The following ANKS1B variants were observed in gnomAD, a reference collection of about 807,000 sequenced individuals.
ANKS1B encodes ankyrin repeat and sterile alpha motif domain-containing protein 1B.
ANKS1B carries 36 observed loss-of-function variants against 148.3 expected under a neutral mutation model. The observed-to-expected ratio is 0.24, with a 90% CI of 0.19 to 0.32. The LOEUF (loss-of-function observed/expected upper bound fraction) is 0.32. Ranked by LOEUF, ANKS1B falls within the 10% of genes least tolerant of loss-of-function variation. The pLI, the probability that ANKS1B is intolerant of heterozygous loss-of-function variation, is 1.00. For synonymous variants in ANKS1B, 542 were observed against 560.8 expected (o/e 0.97, Z 0.47); for missense variants, 1,157 against 1,542.6 (o/e 0.75, Z 4.19).
chr12:99,772,756 T>G, intron 8 of ANKS1B, 166 bp downstream of exon 8: 1 of 575,056 alleles, frequency 1.7e-6, no homozygotes, highest in South Asian at 3.7e-5. Context: ...CCCCTACACA[T>G]GCACTGCGAG....
chr12:99,274,703 T>C (rs1200491450), intron 12 of ANKS1B, among the ~76,000 whole-genome samples: 1 of 152,254 alleles, frequency 6.6e-6, no homozygotes, highest in African/African-American at 2.4e-5. Flanking sequence ...GATACTATAA[T>C]ATGACATGAT....
chr12:99,984,484 G>T lies in ANKS1B; in HGVS notation c.-247C>A, dbSNP rs2153870530. On this transcript the variant is annotated 5_prime_UTR_variant, in exon 1 of 27. Transcript: ENST00000683438. ...GGCTGGCCGAGCTGGGAGCCGCGAC[G>T]CGCCCCCACAGCCACTCCCCTGAAT... The T allele has an allele frequency of 2.5e-6, 1 of 405,940 alleles. No homozygotes were observed. Among genetic ancestry groups the T allele is most frequent in the Non-Finnish European group, 4.4e-6 (1 of 224,976 alleles). 25.1% of individuals were successfully genotyped at this position (405,940 alleles called of 1,614,324 possible). A position where few individuals can be genotyped will look rare whatever the true frequency, so the allele number is the denominator to read the frequency against.
chr12:99,865,093 T>C (rs1341169317), intron 1 of ANKS1B, among the ~76,000 whole-genome samples: 5 of 152,236 alleles, frequency 3.3e-5, no homozygotes, highest in Non-Finnish European at 7.3e-5. Flanking sequence ...CAGATAGGTA[T>C]TGGTGTCCTA....
chr12:99,558,712 A>G (rs2097303084), intron 9 of ANKS1B, among the ~76,000 whole-genome samples: 1 of 152,204 alleles, frequency 6.6e-6, no homozygotes, highest in African/African-American at 2.4e-5. Context: ...GCCACCAGAC[A>G]GAGGGGCACT....
At chr12:98,822,590 C>A (rs1490996438) in intron 19 of ANKS1B, among the ~76,000 whole-genome samples, 1 of 152,116 alleles carries the variant, frequency 6.6e-6, no homozygotes, top group African/African-American at 2.4e-5. Flanking sequence ...GTTTTGAAAA[C>A]AGAATATTTT....
chr12:99,643,905 T>C (rs928262359), intron 9 of ANKS1B, among the ~76,000 whole-genome samples: 5 of 152,262 alleles, frequency 3.3e-5, no homozygotes, highest in African/African-American at 4.8e-5. Flanking sequence ...TATCTAGCCA[T>C]GCTTTCAGCT....
chr12:99,427,090 A>G (rs1213229309), intron 11 of ANKS1B, among the ~76,000 whole-genome samples: 1 of 152,202 alleles, frequency 6.6e-6, no homozygotes, highest in Non-Finnish European at 1.5e-5. Flanking sequence ...AAATAACTGT[A>G]CATGTTCTCT....
chr12:99,022,341 C>G (rs1369512700), intron 17 of ANKS1B, among the ~76,000 whole-genome samples: 1 of 152,140 alleles, frequency 6.6e-6, no homozygotes, highest in Non-Finnish European at 1.5e-5. Context: ...GGCTGCACAA[C>G]AGAGAACTCC....
Position 98,773,151 on chromosome 12 carries a change from T to C in ANKS1B, c.3470A>G (p.Asn1157Ser), listed in dbSNP as rs762462536. 6.2e-7 allele frequency: 1 copy of C among 1,609,724 alleles called. No homozygotes were observed. The highest frequency in any genetic ancestry group is 1.7e-5 in the Admixed American group (1 of 58,924). The change falls in exon 25 of 27, where the codon AAT (asparagine) becomes AGT (serine). Residue 1157 changes from asparagine to serine, a missense_variant. By Grantham distance (46) the Asn-to-Ser change is conservative. Coordinates refer to ENST00000683438, the MANE Select transcript of ANKS1B (RefSeq NM_001352186.2). Reference protein sequence around the residue: ...KNIIAEHEIRNISCAAQDPED... With the variant: ...KNIIAEHEIRSISCAAQDPED... ...TGGGTCCTGGGCAGCACAGGAGATATTACGAATTTCATGCTCAGCAATTAT... is the reference window on the plus strand; with the variant it reads ...TGGGTCCTGGGCAGCACAGGAGATACTACGAATTTCATGCTCAGCAATTAT...
chr12:98,813,630 C>T (rs994783807), intron 19 of ANKS1B, among the ~76,000 whole-genome samples: 1 of 151,720 alleles, frequency 6.6e-6, no homozygotes, highest in African/African-American at 2.4e-5. Flanking sequence ...GCAACCACTG[C>T]CTCCTGGGTT....
At chr12:99,304,548 T>C (rs1262593592) in intron 12 of ANKS1B, among the ~76,000 whole-genome samples, 1 of 152,104 alleles carries the variant, frequency 6.6e-6, no homozygotes, top group South Asian at 2.1e-4. Flanking sequence ...TTTGTGACAA[T>C]GTTGTTCCTG....
intron 1 of ANKS1B, among the ~76,000 whole-genome samples, chr12:99,872,209 T>C (rs2091602675): frequency 6.6e-6 from 1 of 152,134 alleles, no homozygotes; most frequent in African/African-American, 2.4e-5. Context: ...CACTATAACC[T>C]AGCAATACCA....
chr12:99,948,762 G>A (rs898127570), intron 1 of ANKS1B, among the ~76,000 whole-genome samples: 7 of 152,284 alleles, frequency 4.6e-5, no homozygotes, highest in Admixed American at 1.3e-4. Flanking sequence ...ACAGAGATTA[G>A]GAAACAGGCA....
chr12:99,239,699 T>G (rs933654648), intron 14 of ANKS1B, among the ~76,000 whole-genome samples: 1 of 152,146 alleles, frequency 6.6e-6, no homozygotes, highest in Non-Finnish European at 1.5e-5. Flanking sequence ...GGGAAGCCCA[T>G]TAGACTAACA....
chr12:99,508,918 G>A (rs2096737382), intron 9 of ANKS1B, among the ~76,000 whole-genome samples: 1 of 151,810 alleles, frequency 6.6e-6, no homozygotes, highest in Non-Finnish European at 1.5e-5. Context: ...ACCGGGCATT[G>A]AGCAAGTCTA....
chr12:99,064,260 A>C (rs1404181587), intron 16 of ANKS1B, among the ~76,000 whole-genome samples: 1 of 152,242 alleles, frequency 6.6e-6, no homozygotes. Flanking sequence ...TTCGTGAAAA[A>C]GAGAAATGAA....
chr12:99,716,394 ACT>A (rs1418176418), intron 8 of ANKS1B, among the ~76,000 whole-genome samples: 1 of 147,644 alleles, frequency 6.8e-6, no homozygotes, highest in African/African-American at 2.5e-5. Flanking sequence ...CCATGTCCCT[ACT>A]CTCTCTTTTC....
chr12:99,637,876 AAAAG>A (rs544012764), intron 9 of ANKS1B, among the ~76,000 whole-genome samples: 33 of 151,208 alleles, frequency 2.2e-4, no homozygotes, highest in African/African-American at 7.8e-4. Flanking sequence ...AAGAGAGAAA[AAAAG>A]AGAGAGAGAT....
chr12:99,296,989 T>C (rs1179927622), intron 12 of ANKS1B, among the ~76,000 whole-genome samples: 2 of 152,158 alleles, frequency 1.3e-5, no homozygotes, highest in African/African-American at 4.8e-5. Flanking sequence ...TTCAGAAACA[T>C]AGATTTTTGG....
Sources: gnomAD v4.1 joint callset for allele counts (sites outside exome capture counted in the v4.1 genomes callset) on GRCh38, gnomAD v4.1.1 for gene constraint, MANE v1.5 for transcripts, NCBI Gene and HGNC (gene_info 2026-07-23, HGNC 2026-07-21) for gene names.